The following RSPRY1 variants were observed in gnomAD, a reference collection of about 807,000 sequenced individuals.
RSPRY1 encodes the protein ring finger and SPRY domain containing 1.
A neutral mutation model predicts 73.1 loss-of-function variants in RSPRY1; 23 were observed. The ratio of observed to expected loss-of-function variants is 0.31; its 90% confidence interval spans 0.23 to 0.45. RSPRY1 has a LOEUF of 0.45. RSPRY1 is among the 20% of genes least tolerant of loss of function. The pLI is 1.00. For missense variants in RSPRY1, 448 were observed against 698.7 expected (o/e 0.64, Z 4.05); for synonymous variants, 226 against 251.4 (o/e 0.90, Z 0.95).
chr16:57,229,189 C>T (rs112858484), intron 11 of RSPRY1, among the ~76,000 whole-genome samples: 19 of 152,288 alleles, frequency 1.2e-4, no homozygotes, highest in African/African-American at 4.6e-4. Context: ...AATTTCAAAG[C>T]TTTTGCTGTA....
intron 4 of RSPRY1, 60 bp downstream of exon 4, chr16:57,209,247 C>A: frequency 1.9e-6 from 2 of 1,076,352 alleles, no homozygotes; most frequent in Non-Finnish European, 1.4e-6. Context: ...AGATAAATGA[C>A]CACAAAGAAC....
intron 4 of RSPRY1, among the ~76,000 whole-genome samples, chr16:57,210,118 G>A (rs1018107455): frequency 3.3e-5 from 4 of 121,466 alleles, no homozygotes; most frequent in Non-Finnish European, 3.2e-5. Context: ...CCCCGGCCCC[G>A]CCTAGGCTAG....
chr16:57,222,885 G>A (rs1207238694), intron 10 of RSPRY1, among the ~76,000 whole-genome samples: 1 of 152,094 alleles, frequency 6.6e-6, no homozygotes, highest in Non-Finnish European at 1.5e-5. Flanking sequence ...TTACAAATGT[G>A]TTTTTTTAAT....
chr16:57,234,923 G>A (rs1374292001), intron 13 of RSPRY1, among the ~76,000 whole-genome samples: 4 of 152,136 alleles, frequency 2.6e-5, no homozygotes, highest in African/African-American at 9.7e-5. Context: ...CTATAAAATG[G>A]GAATGGTTAT....
intron 1 of RSPRY1, among the ~76,000 whole-genome samples, chr16:57,199,895 GT>G (rs61132783): frequency 0.77 from 81,629 of 106,218 alleles, 30,273 homozygotes; most frequent in Non-Finnish European, 0.82. Context: ...TTTTTTGTTT[GT>G]TTTTTTTTTT....
At chr16:57,238,724 A>G (rs2075337217) in intron 14 of RSPRY1, among the ~76,000 whole-genome samples, 155 bp from the exon 15 acceptor site, 1 of 152,228 alleles carries the variant, frequency 6.6e-6, no homozygotes, top group African/African-American at 2.4e-5. Context: ...TGTAAGATTT[A>G]CTTTTTATTT....
At chr16:57,194,320 A>G (rs1195221669) in intron 1 of RSPRY1, among the ~76,000 whole-genome samples, 2 of 152,116 alleles carry the variant, frequency 1.3e-5, no homozygotes, top group African/African-American at 4.8e-5. Context: ...GTTTAGTAAA[A>G]TGTTAGTAGT....
intron 1 of RSPRY1, among the ~76,000 whole-genome samples, chr16:57,193,177 C>T (rs2074380657): frequency 6.6e-6 from 1 of 152,190 alleles, no homozygotes; most frequent in Admixed American, 6.5e-5. Context: ...CCTAAACCTA[C>T]GGTTAGATAG....
At chr16:57,216,798 C>A in intron 7 of RSPRY1, 106 bp from the exon 8 acceptor site, 1 of 1,044,732 alleles carries the variant, frequency 9.6e-7, no homozygotes, top group Non-Finnish European at 1.4e-6. Flanking sequence ...CTAATCTAGT[C>A]TCCAATTCTT....
chr16:57,187,569 CA>C (rs1446655108), intron 1 of RSPRY1, among the ~76,000 whole-genome samples: 1 of 152,170 alleles, frequency 6.6e-6, no homozygotes, highest in Non-Finnish European at 1.5e-5. Context: ...TGTGAAAGTA[CA>C]AATTACAAGC....
rs1237001349 is a variant in RSPRY1 at position 57,216,944 on chromosome 16, C to T, written c.810C>T (p.Asp270=). 2 of 1,613,354 alleles carry T rather than the reference C, an allele frequency of 1.2e-6. No homozygotes were observed. Among genetic ancestry groups the T allele is most frequent in the African/African-American group, 1.3e-5 (1 of 74,914 alleles). Reference sequence around the variant, plus strand: ...CTATTTCTGAATCCAGTATTAGTGACCGGCTTGTCACATTGGAGTCCTGGG... The same window carrying T: ...CTATTTCTGAATCCAGTATTAGTGATCGGCTTGTCACATTGGAGTCCTGGG... ...KLTISESSIS[D]RLVTLESWAN... Residue 270 remains aspartate, a synonymous_variant, in exon 8 of 15, where the codon GAC becomes GAT. Transcript: ENST00000394420.
chr16:57,218,422 A>G (rs1417242747), intron 8 of RSPRY1, among the ~76,000 whole-genome samples: 1 of 152,144 alleles, frequency 6.6e-6, no homozygotes, highest in Non-Finnish European at 1.5e-5. Context: ...TATGCTGTCA[A>G]ATACTAGGTG....
At chr16:57,217,429 C>T (rs541420919) in intron 8 of RSPRY1, among the ~76,000 whole-genome samples, 1 of 152,128 alleles carries the variant, frequency 6.6e-6, no homozygotes, top group Non-Finnish European at 1.5e-5. Context: ...CCTTTCCCAA[C>T]TTTGCTCTTC....
intron 5 of RSPRY1, among the ~76,000 whole-genome samples, chr16:57,213,610 C>T (rs1364486718): frequency 6.6e-6 from 1 of 152,190 alleles, no homozygotes; most frequent in Non-Finnish European, 1.5e-5. Context: ...ACTTACATCA[C>T]GTAATGTGGA....
chr16:57,196,448 A>G (rs2074449753), intron 1 of RSPRY1, among the ~76,000 whole-genome samples: 2 of 152,292 alleles, frequency 1.3e-5, no homozygotes, highest in African/African-American at 4.8e-5. Flanking sequence ...TTCTATACAC[A>G]GTGATTTCCA....
intron 6 of RSPRY1, among the ~76,000 whole-genome samples, chr16:57,215,240 GAA>G (rs1161447512): frequency 6.6e-6 from 1 of 152,184 alleles, no homozygotes; most frequent in Non-Finnish European, 1.5e-5. Context: ...TCTGATGAGA[GAA>G]GACAGTGTTC....
At chr16:57,198,020 C>T (rs551542607) in intron 1 of RSPRY1, among the ~76,000 whole-genome samples, 2 of 149,464 alleles carry the variant, frequency 1.3e-5, no homozygotes, top group South Asian at 4.4e-4. Flanking sequence ...GCCACCATGC[C>T]CATCCTATCA....
intron 2 of RSPRY1, among the ~76,000 whole-genome samples, chr16:57,206,550 G>C (rs113948966): frequency 1.2e-4 from 19 of 152,264 alleles, no homozygotes; most frequent in African/African-American, 4.6e-4. Flanking sequence ...CTTTGAGAGA[G>C]AGAGTTTTTT....
chr16:57,229,195 CT>C, intron 11 of RSPRY1, among the ~76,000 whole-genome samples: 1 of 152,288 alleles, frequency 6.6e-6, no homozygotes, highest in Admixed American at 6.5e-5. Context: ...AAAGCTTTTG[CT>C]GTATATTGCC....
Sources: gnomAD v4.1 joint callset for allele counts (sites outside exome capture counted in the v4.1 genomes callset) on GRCh38, gnomAD v4.1.1 for gene constraint, MANE v1.5 for transcripts, NCBI Gene and HGNC (gene_info 2026-07-23, HGNC 2026-07-21) for gene names.